The following SLC2A9 variants were observed in gnomAD, a reference collection of about 807,000 sequenced individuals.
The protein encoded by SLC2A9 is solute carrier family 2 member 9.
A neutral mutation model predicts 50.6 loss-of-function variants in SLC2A9; 39 were observed. That is an observed-to-expected ratio of 0.77 (90% confidence interval 0.60 to 1.01). The LOEUF is 1.01. Ranked by LOEUF, SLC2A9 falls within the 50% of genes least tolerant of loss-of-function variation. SLC2A9 has a pLI of 0.00. For synonymous variants in SLC2A9, 324 were observed against 276.9 expected (o/e 1.17, Z -1.69); for missense variants, 686 against 677.6 (o/e 1.01, Z -0.14).
downstream of SLC2A9, among the ~76,000 whole-genome samples, chr4:9,779,535 C>T (rs1404341695): frequency 1.3e-5 from 2 of 151,930 alleles, no homozygotes; most frequent in Non-Finnish European, 2.9e-5. Context: ...CTGCCTCAGC[C>T]TCCCAAGTAG....
rs543785913 is a variant in SLC2A9, at chr4:10,035,253, T to C, written c.-41+4877A>G. 5.9e-5 allele frequency: 9 copies of C among 152,252 alleles called. No homozygotes were observed. In the South Asian group the frequency reaches 1.0e-3, roughly 18 times the overall value. 9.4% of individuals were successfully genotyped at this position (152,252 alleles called of 1,614,324 possible). ...ACCAAAATCCCTGGTCTTTGTACCATTGGGTACAAAGAACACTTCTCAACA... is the reference window on the plus strand; with the variant it reads ...ACCAAAATCCCTGGTCTTTGTACCACTGGGTACAAAGAACACTTCTCAACA... On this transcript the variant is annotated intron_variant, in intron 1 of 12. Transcript: ENST00000309065.
chr4:9,831,025 T>C (rs1726049590), intron 11 of SLC2A9, among the ~76,000 whole-genome samples: 1 of 152,246 alleles, frequency 6.6e-6, no homozygotes, highest in Non-Finnish European at 1.5e-5. Flanking sequence ...TGGGCTTCAA[T>C]ACAGGCGTGA....
intron 10 of SLC2A9, among the ~76,000 whole-genome samples, chr4:9,843,663 A>C (rs1728459213): frequency 2.0e-5 from 3 of 152,124 alleles, no homozygotes; most frequent in Non-Finnish European, 4.4e-5. Flanking sequence ...AGGACAATGG[A>C]ATTGATTTTA....
At chr4:10,020,648 G>A (rs1411190093) in intron 1 of SLC2A9, among the ~76,000 whole-genome samples, 1 of 152,152 alleles carries the variant, frequency 6.6e-6, no homozygotes. Flanking sequence ...CTGAGTCTCG[G>A]CACAGATACC....
In SLC2A9 at chr4:9,965,464, G is replaced by T. The variant is rs186345821; in HGVS notation, c.681+15128C>A. ...GATCTGTTTTTTACCATTATAAAAT[G>T]GTAAGTGCTAAGAAAGAGCTGCCAT... On this transcript the variant is annotated intron_variant, in intron 5 of 11. Coordinates refer to ENST00000264784, the MANE Select transcript of SLC2A9 (RefSeq NM_020041.3). Among the ~76,000 whole-genome samples the T allele has an allele frequency of 2.2e-4, 33 of 152,222 alleles. No homozygotes were observed. In the East Asian group the frequency reaches 6.0e-3, roughly 28 times the overall value.
At chr4:9,803,837 A>T (rs1241643981) in intron 3 of SLC2A9, among the ~76,000 whole-genome samples, 5 of 152,224 alleles carry the variant, frequency 3.3e-5, no homozygotes, top group Admixed American at 3.3e-4. Context: ...TGAATGAAGG[A>T]TATACTTATT....
downstream of SLC2A9, among the ~76,000 whole-genome samples, chr4:9,797,976 G>A (rs1231415500): frequency 6.6e-6 from 1 of 152,196 alleles, no homozygotes; most frequent in Non-Finnish European, 1.5e-5. Flanking sequence ...TTCAGCAGGG[G>A]CTAGATGAAA....
At chr4:9,886,077 G>A (rs2109716772) in intron 10 of SLC2A9, among the ~76,000 whole-genome samples, 1 of 152,164 alleles carries the variant, frequency 6.6e-6, no homozygotes, top group African/African-American at 2.4e-5. Context: ...TGTGTGTGCT[G>A]GTTTTAGAAT....
At chr4:9,846,338 C>T (rs1435327858) in intron 10 of SLC2A9, among the ~76,000 whole-genome samples, 1 of 152,176 alleles carries the variant, frequency 6.6e-6, no homozygotes, top group Admixed American at 6.5e-5. Context: ...AAGCTCCTCC[C>T]CTCACAGGAT....
chr4:9,848,239 T>C (rs1729285418), intron 10 of SLC2A9, among the ~76,000 whole-genome samples: 1 of 152,112 alleles, frequency 6.6e-6, no homozygotes, highest in Non-Finnish European at 1.5e-5. Flanking sequence ...TGAGCTTGGC[T>C]CCCAGTATAG....
chr4:9,905,914 G>C (rs28560387), intron 8 of SLC2A9, among the ~76,000 whole-genome samples: 1 of 152,290 alleles, frequency 6.6e-6, no homozygotes, highest in African/African-American at 2.4e-5. Flanking sequence ...GTGTGACCCA[G>C]AGTAAGTCAC....
At chr4:9,873,046 AT>A (rs1297350012) in intron 10 of SLC2A9, among the ~76,000 whole-genome samples, 1 of 152,220 alleles carries the variant, frequency 6.6e-6, no homozygotes, top group East Asian at 1.9e-4. Context: ...GGTCTTCAAC[AT>A]TCCCCTATAG....
At chr4:10,036,910 G>A (rs932256981) in intron 1 of SLC2A9, among the ~76,000 whole-genome samples, 4 of 152,212 alleles carry the variant, frequency 2.6e-5, no homozygotes, top group Non-Finnish European at 2.9e-5. Context: ...GAGGCTGTGT[G>A]GCCCACCGCT....
chr4:10,023,624 G>T (rs1413901846), upstream of SLC2A9, among the ~76,000 whole-genome samples: 1 of 152,194 alleles, frequency 6.6e-6, no homozygotes, highest in East Asian at 1.9e-4. Context: ...AGCGGAGATG[G>T]GTCCCTCCCG....
At chr4:9,973,652 A>G (rs913485743) in intron 5 of SLC2A9, among the ~76,000 whole-genome samples, 1 of 140,138 alleles carries the variant, frequency 7.1e-6, no homozygotes. Flanking sequence ...ATAGGTGGGA[A>G]TTGAACAATG....
chr4:9,997,312 C>G (rs1578251140), intron 2 of SLC2A9, among the ~76,000 whole-genome samples: 2 of 152,092 alleles, frequency 1.3e-5, no homozygotes, highest in African/African-American at 4.8e-5. Context: ...AACCTGGGAG[C>G]TGGACTCAGA....
chr4:9,782,161 C>T lies in SLC2A9; in HGVS notation n.386-2096G>A, dbSNP rs777815501. 3.1e-6 allele frequency: 5 copies of T among 1,589,828 alleles called. No individual in the cohort carries two copies. The Admixed American group carries it at 5.1e-5, about 16-fold the overall frequency. Reference sequence around the variant, plus strand: ...TGGGGCCCTCACAGGTGGTCACCGCCTGCCTGCTGACCCTACTCATCATCT... The same window carrying T: ...TGGGGCCCTCACAGGTGGTCACCGCTTGCCTGCTGACCCTACTCATCATCT... On this transcript the variant is annotated intron_variant and non_coding_transcript_variant, in intron 3 of 3. Coordinates refer to the SLC2A9 transcript ENST00000503803.
chr4:9,919,876 A>C (rs769124796), intron 7 of SLC2A9, among the ~76,000 whole-genome samples: 1 of 152,174 alleles, frequency 6.6e-6, no homozygotes, highest in Non-Finnish European at 1.5e-5. Flanking sequence ...ACTGCTGTGA[A>C]CATCCAAGCA....
chr4:9,774,129 G>A (rs985459774), intron 1 of SLC2A9, among the ~76,000 whole-genome samples: 1 of 151,922 alleles, frequency 6.6e-6, no homozygotes, highest in Admixed American at 6.6e-5. Flanking sequence ...GAGTAGCTGG[G>A]ATTACAGGTG....
Sources: gnomAD v4.1 joint callset for allele counts (sites outside exome capture counted in the v4.1 genomes callset) on GRCh38, gnomAD v4.1.1 for gene constraint, MANE v1.5 for transcripts, NCBI Gene and HGNC (gene_info 2026-07-23, HGNC 2026-07-21) for gene names.